SETD3: variants seen among roughly 807,000 people sequenced by gnomAD.
SETD3 encodes SET domain containing 3, actin N3(tau)-histidine methyltransferase.
A neutral mutation model predicts 63.0 loss-of-function variants in SETD3; 19 were observed. The ratio of observed to expected loss-of-function variants is 0.30; its 90% CI spans 0.21 to 0.44. The LOEUF (loss-of-function observed/expected upper bound fraction) is 0.44. Among genes scored for constraint, SETD3 ranks in the 20% least tolerant of loss-of-function variants. The pLI, the probability that SETD3 is intolerant of heterozygous loss-of-function variation, is 1.00. For synonymous variants in SETD3, 286 were observed against 264.1 expected (o/e 1.08, Z -0.80); for missense variants, 587 against 728.5 (o/e 0.81, Z 2.24).
intron 8 of SETD3, among the ~76,000 whole-genome samples, chr14:99,408,306 T>C (rs1891794492): frequency 6.6e-6 from 1 of 152,180 alleles, no homozygotes; most frequent in Non-Finnish European, 1.5e-5. Context: ...AAGCCAAGTA[T>C]TCTAGAACAT....
intron 1 of SETD3, among the ~76,000 whole-genome samples, chr14:99,470,399 G>C (rs186606364): frequency 4.6e-4 from 70 of 152,332 alleles, no homozygotes; most frequent in African/African-American, 1.6e-3. Context: ...CAGGCTATAA[G>C]GTAGAAAAAG....
chr14:99,459,972 C>T (rs559656057), intron 4 of SETD3, among the ~76,000 whole-genome samples: 2 of 152,326 alleles, frequency 1.3e-5, no homozygotes, highest in South Asian at 2.1e-4. Context: ...CTCGCCTCCC[C>T]ACAAAAGCAC....
intron 1 of SETD3, among the ~76,000 whole-genome samples, chr14:99,478,489 C>T (rs921262446): frequency 6.6e-6 from 1 of 152,108 alleles, no homozygotes; most frequent in African/African-American, 2.4e-5. Flanking sequence ...AGTTCTAAAC[C>T]CTACTTCGGA....
intron 1 of SETD3, among the ~76,000 whole-genome samples, chr14:99,471,179 C>G (rs903120638): frequency 6.6e-6 from 1 of 152,146 alleles, no homozygotes; most frequent in African/African-American, 2.4e-5. Flanking sequence ...CTATATTACC[C>G]ATAGGATCTA....
chr14:99,458,646 G>C, intron 5 of SETD3, 111 bp from the exon 6 acceptor site: 6 of 1,093,282 alleles, frequency 5.5e-6, no homozygotes, highest in Non-Finnish European at 7.6e-6. Flanking sequence ...AACATTTAAA[G>C]TCAGGTACAG....
intron 6 of SETD3, among the ~76,000 whole-genome samples, chr14:99,440,421 C>A (rs749428574): frequency 1.3e-5 from 2 of 152,122 alleles, no homozygotes; most frequent in Admixed American, 1.3e-4. Context: ...TTTCACTACA[C>A]GTGCGAAGTG....
intron 1 of SETD3, among the ~76,000 whole-genome samples, 158 bp from the exon 2 acceptor site, chr14:99,465,971 G>T (rs1012191895): frequency 5.9e-5 from 9 of 151,888 alleles, no homozygotes; most frequent in African/African-American, 1.9e-4. Flanking sequence ...TGTAGTATTA[G>T]TATCTAGAGG....
chr14:99,452,847 C>T (rs8015099), intron 6 of SETD3, among the ~76,000 whole-genome samples: 33 of 152,312 alleles, frequency 2.2e-4, no homozygotes, highest in Admixed American at 7.2e-4. Flanking sequence ...AGGCAGATCG[C>T]GGGGGGAGAA....
At chr14:99,430,417 T>C (rs1248427773) in intron 6 of SETD3, among the ~76,000 whole-genome samples, 2 of 152,188 alleles carry the variant, frequency 1.3e-5, no homozygotes, top group Non-Finnish European at 2.9e-5. Flanking sequence ...TTCTATTCCA[T>C]GTATATATGA....
At chr14:99,480,123 C>G (rs1418186860) in intron 1 of SETD3, among the ~76,000 whole-genome samples, 1 of 152,248 alleles carries the variant, frequency 6.6e-6, no homozygotes, top group East Asian at 1.9e-4. Context: ...TTCCTACGTC[C>G]GTCTTCCTAA....
intron 6 of SETD3, among the ~76,000 whole-genome samples, chr14:99,422,026 A>G (rs913269059): frequency 6.6e-6 from 1 of 152,248 alleles, no homozygotes; most frequent in African/African-American, 2.4e-5. Context: ...GGCAGGCAAC[A>G]TTAGCAAAAC....
chr14:99,462,818 G>A (rs544614526), intron 3 of SETD3, among the ~76,000 whole-genome samples: 3 of 152,100 alleles, frequency 2.0e-5, no homozygotes, highest in Non-Finnish European at 2.9e-5. Flanking sequence ...CCTCTCCTGA[G>A]GCCCTTCATG....
In SETD3 at chr14:99,403,815, G is replaced by A. The variant is rs749056610; in HGVS notation, c.1177+410C>T. On this transcript the variant is annotated intron_variant, in intron 11 of 12. Transcript: ENST00000331768. The stretch of plus-strand genomic sequence containing the variant: ...AGTAGGTTAACAAATAAAGTCCTAC[G>A]GTCCACGTATGCCACAGCTGACTAC... 5.3e-5 allele frequency among the ~76,000 whole-genome samples: 8 copies of A among 152,112 alleles called. No individual in the cohort carries two copies. The East Asian group carries it at 1.2e-3, about 22-fold the overall frequency.
intron 6 of SETD3, among the ~76,000 whole-genome samples, chr14:99,414,751 T>A (rs1313226721): frequency 6.6e-6 from 1 of 150,826 alleles, no homozygotes; most frequent in Non-Finnish European, 1.5e-5. Flanking sequence ...GCTGTAATAG[T>A]ACAATTTGGA....
chr14:99,407,408 G>C (rs1257012774), intron 8 of SETD3, among the ~76,000 whole-genome samples: 1 of 152,100 alleles, frequency 6.6e-6, no homozygotes, highest in Non-Finnish European at 1.5e-5. Context: ...CCTCTGCATG[G>C]CTATAGTCCT....
the SETD3 span, among the ~76,000 whole-genome samples, chr14:99,486,165 A>G: frequency 6.6e-6 from 1 of 152,278 alleles, no homozygotes; most frequent in South Asian, 2.1e-4. Context: ...TTTCTTTAGC[A>G]TTTGTCACTG....
At chr14:99,422,126 T>C (rs753887545) in intron 6 of SETD3, among the ~76,000 whole-genome samples, 2 of 152,230 alleles carry the variant, frequency 1.3e-5, no homozygotes, top group African/African-American at 2.4e-5. Context: ...CAGCCCTGGA[T>C]GGTAACTTAG....
chr14:99,443,118 T>C (rs1354215591), intron 6 of SETD3, among the ~76,000 whole-genome samples: 2 of 152,160 alleles, frequency 1.3e-5, no homozygotes, highest in Admixed American at 1.3e-4. Flanking sequence ...CGTGAACACA[T>C]TTTATAAGGA....
chr14:99,467,894 C>T (rs1895481987), intron 1 of SETD3, among the ~76,000 whole-genome samples: 1 of 152,152 alleles, frequency 6.6e-6, no homozygotes, highest in South Asian at 2.1e-4. Context: ...AGCTATCCAC[C>T]CAACTCCAGT....
Sources: gnomAD v4.1 joint callset for allele counts (sites outside exome capture counted in the v4.1 genomes callset) on GRCh38, gnomAD v4.1.1 for gene constraint, MANE v1.5 for transcripts, NCBI Gene and HGNC (gene_info 2026-07-23, HGNC 2026-07-21) for gene names.